Variants in BCR observed in about 807,000 individuals in gnomAD.
BCR encodes BCR activator of RhoGEF and GTPase.
Under a neutral mutation model 138.6 loss-of-function variants are expected in BCR, and 58 were observed. The ratio of observed to expected loss-of-function variants is 0.42; its 90% CI spans 0.34 to 0.52. The LOEUF (loss-of-function observed/expected upper bound fraction) is 0.52. BCR is among the 20% of genes least tolerant of loss of function. BCR has a pLI of 0.06. For synonymous variants in BCR, 786 were observed against 730.1 expected (o/e 1.08, Z -1.23); for missense variants, 1,599 against 1,727.2 (o/e 0.93, Z 1.32).
chr22:23,274,907 CAAAAAAAAAAAAAAAAA>C (rs758602402), intron 8 of BCR, among the ~76,000 whole-genome samples: 5 of 84,042 alleles, frequency 5.9e-5, no homozygotes, highest in Non-Finnish European at 1.2e-4. Context: ...AACTCCATCT[CAAAAAAAAAAAAAAAAA>C]AAAAAAAGAG....
At chr22:23,214,726 G>A (rs1488997840) in intron 1 of BCR, among the ~76,000 whole-genome samples, 2 of 152,210 alleles carry the variant, frequency 1.3e-5, no homozygotes, top group Admixed American at 6.5e-5. Flanking sequence ...CAGAGTCGGC[G>A]TTTGTGAGCG....
intron 16 of BCR, among the ~76,000 whole-genome samples, chr22:23,304,232 G>A (rs944296865): frequency 6.6e-6 from 1 of 150,488 alleles, no homozygotes; most frequent in Non-Finnish European, 1.5e-5. Context: ...GAACCACCGT[G>A]CCCAGCCCCT....
intron 1 of BCR, chr22:23,199,090 C>T (rs1320790330): frequency 3.2e-6 from 1 of 316,566 alleles, no homozygotes; most frequent in East Asian, 9.6e-5. Flanking sequence ...CCATTGCACG[C>T]CAGCCAAGGC....
intron 3 of BCR, 111 bp downstream of exon 3, chr22:23,261,165 G>C: frequency 7.9e-7 from 1 of 1,269,686 alleles, no homozygotes; most frequent in Non-Finnish European, 1.1e-6. Flanking sequence ...GGTGCAGCTC[G>C]CCATCCCTGG....
chr22:23,293,698 G>C (rs1161076250), intron 15 of BCR, among the ~76,000 whole-genome samples: 1 of 152,116 alleles, frequency 6.6e-6, no homozygotes, highest in Non-Finnish European at 1.5e-5. Context: ...AAGCTCCGGG[G>C]AGGCATGAAG....
intron 4 of BCR, chr22:23,264,097 G>A (rs909607905): frequency 4.1e-6 from 6 of 1,480,950 alleles, no homozygotes; most frequent in East Asian, 2.3e-5. Flanking sequence ...ACCAGTGTCC[G>A]GAAATGTGTC....
rs532752691 is a variant in BCR, at chr22:23,259,547, G to A, written c.1462-1403G>A. Among the ~76,000 whole-genome samples the A allele has an allele frequency of 2.1e-3, 315 of 148,394 alleles. 1 individual carries two copies. The highest frequency in any genetic ancestry group is 7.5e-3 in the African/African-American group (300 of 40,146). On this transcript the variant is annotated intron_variant, in intron 2 of 22. Coordinates refer to ENST00000305877, the MANE Select transcript of BCR (RefSeq NM_004327.4). ...TTTTTTTTTTTTGAGATGGAGTTTC[G>A]CTCTTGTTGCCCAGGCTGGAGTGCC...
intron 1 of BCR, among the ~76,000 whole-genome samples, chr22:23,187,710 T>C (rs1288860680): frequency 1.3e-5 from 2 of 152,168 alleles, no homozygotes; most frequent in Non-Finnish European, 2.9e-5. Flanking sequence ...TTGATACATA[T>C]CTGCAATGCA....
intron 8 of BCR, among the ~76,000 whole-genome samples, chr22:23,274,735 C>A (rs1446694812): frequency 6.6e-6 from 1 of 151,900 alleles, no homozygotes; most frequent in African/African-American, 2.4e-5. Flanking sequence ...TGGTGAAACC[C>A]CGTCTCTACT....
chr22:23,289,687 A>AT (rs750115489), intron 13 of BCR, 66 bp downstream of exon 13: 1 of 1,371,466 alleles, frequency 7.3e-7, no homozygotes, highest in East Asian at 2.3e-5. Context: ...CTGAAGGCTG[A>AT]TCCCCCCTTC....
intron 1 of BCR, among the ~76,000 whole-genome samples, chr22:23,194,135 C>T (rs2072449048): frequency 6.6e-6 from 1 of 152,202 alleles, no homozygotes; most frequent in African/African-American, 2.4e-5. Context: ...TGGGGGTGTG[C>T]AGAAGCACTG....
At position 23,315,752 on chromosome 22, in the gene BCR, T is replaced by C. The variant is rs113629387; in HGVS notation, c.*230T>C. On this transcript the variant is annotated 3_prime_UTR_variant, in exon 23 of 23. Coordinates refer to ENST00000305877, the MANE Select transcript of BCR (RefSeq NM_004327.4). ...GACTGTGGTTTTTTATGTGGCCACC[T>C]GAGGGCGCCCCAAGCCAGTTCATCT... 247,192 of 615,916 alleles carry C rather than the reference T, an allele frequency of 0.4. 50,920 individuals carry two copies. The highest frequency in any genetic ancestry group is 0.61 in the East Asian group (19,480 of 32,014). 38.2% of individuals were successfully genotyped at this position (615,916 alleles called of 1,614,324 possible).
At chr22:23,207,930 C>T (rs983673019) in intron 1 of BCR, among the ~76,000 whole-genome samples, 3 of 152,170 alleles carry the variant, frequency 2.0e-5, no homozygotes, top group African/African-American at 7.2e-5. Flanking sequence ...GCCTGTGACA[C>T]CTGATGGCCT....
At chr22:23,285,256 C>G in intron 10 of BCR, 55 bp downstream of exon 10, 1 of 1,543,416 alleles carries the variant, frequency 6.5e-7, no homozygotes, top group South Asian at 1.2e-5. Context: ...GGCAGCAGCC[C>G]CCGCACACGG....
intron 8 of BCR, among the ~76,000 whole-genome samples, chr22:23,276,409 A>G (rs1183232724): frequency 6.6e-5 from 4 of 60,744 alleles, no homozygotes; most frequent in African/African-American, 2.5e-4. Flanking sequence ...AAAAAAAAGA[A>G]AAAAAAAAAA....
intron 4 of BCR, chr22:23,263,951 C>T (rs1259553474): frequency 1.1e-6 from 1 of 908,964 alleles, no homozygotes; most frequent in Middle Eastern, 2.1e-4. Flanking sequence ...TCTGGGACCT[C>T]AACAGTGGGC....
intron 1 of BCR, among the ~76,000 whole-genome samples, chr22:23,191,613 T>G (rs2072416183): frequency 6.6e-6 from 1 of 152,208 alleles, no homozygotes; most frequent in African/African-American, 2.4e-5. Flanking sequence ...CCTGCTGTAG[T>G]GTCCTGCAGG....
chr22:23,181,299 C>G lies in BCR; in HGVS notation c.339C>G (p.Pro113=). 7 of 1,342,094 alleles carry G rather than the reference C, an allele frequency of 5.2e-6. No homozygotes were observed. The highest frequency in any genetic ancestry group is 6.7e-6 in the Non-Finnish European group (7 of 1,043,974). The allele number at this position is 1,342,094 out of a possible 1,614,324, so 83.1% of individuals were successfully genotyped here. The change falls in exon 1 of 23, where the codon CCC becomes CCG. Residue 113 remains proline (P), a synonymous_variant. Transcript: ENST00000305877. ...CCGACCCGCCGCCCGCCGAGGAGCC[C>G]GAGGCCCGGCCCGACGGCGAGGGTT... The part of the protein sequence containing the change: ...DGADPPPAEE[P]EARPDGEGSP...
intron 16 of BCR, among the ~76,000 whole-genome samples, chr22:23,309,162 G>C (rs1325477098): frequency 6.6e-6 from 1 of 152,142 alleles, no homozygotes; most frequent in Non-Finnish European, 1.5e-5. Flanking sequence ...CTGCACATCA[G>C]CTCCCAACTG....
Sources: allele counts gnomAD v4.1 joint callset (sites outside exome capture counted in the v4.1 genomes callset), GRCh38; gene constraint gnomAD v4.1.1; transcripts MANE v1.5; gene names NCBI Gene and HGNC (gene_info 2026-07-23, HGNC 2026-07-21).